ESF1: variants seen among roughly 807,000 people sequenced by gnomAD.
ESF1 encodes ESF1 nucleolar pre-rRNA processing protein.
Under a neutral mutation model 92.0 loss-of-function variants are expected in ESF1, and 58 were observed. The observed-to-expected ratio is 0.63, with a 90% CI of 0.51 to 0.78. The LOEUF (loss-of-function observed/expected upper bound fraction) is 0.78, where lower values mean the gene tolerates loss of function less well. ESF1 is among the 30% of genes least tolerant of loss of function. The pLI is 0.00. For missense variants in ESF1, 922 were observed against 989.1 expected (o/e 0.93, Z 0.91); for synonymous variants, 321 against 313.7 (o/e 1.02, Z -0.24).
chr20:13,778,292 G>A (rs1042262746), intron 2 of ESF1, among the ~76,000 whole-genome samples: 2 of 152,054 alleles, frequency 1.3e-5, no homozygotes, highest in African/African-American at 4.8e-5. Context: ...CATTGTCACA[G>A]GTTCTATATA....
Position 13,733,701 on chromosome 20 carries a change from G to A in ESF1, c.1950+20C>T. 3.1e-6 allele frequency: 5 copies of A among 1,606,236 alleles called. No homozygotes were observed. The highest frequency in any genetic ancestry group is 4.2e-6 in the Non-Finnish European group (5 of 1,177,194). On this transcript the variant is annotated intron_variant, in intron 10 of 13. Transcript: ENST00000617257. ...ATGGTTGGTATTCAACAAACATTTGGTCATAATTATCAATGATACCTTCTG... is the reference window on the plus strand; with the variant it reads ...ATGGTTGGTATTCAACAAACATTTGATCATAATTATCAATGATACCTTCTG...
intron 11 of ESF1, among the ~76,000 whole-genome samples, chr20:13,721,389 T>C (rs1197476494): frequency 6.6e-6 from 1 of 152,056 alleles, no homozygotes; most frequent in Non-Finnish European, 1.5e-5. Flanking sequence ...TACCTTCACG[T>C]TGGGAAAGAC....
chr20:13,775,999 T>G lies in ESF1; in HGVS notation c.909A>C (p.Ala303=). 1 of 1,613,988 alleles carries G rather than the reference T, an allele frequency of 6.2e-7. No homozygotes were observed. Among genetic ancestry groups the G allele is most frequent in the Non-Finnish European group, 8.5e-7 (1 of 1,179,948 alleles). ...DDKSDSGPDL[A]RGKGNIETSS... ...TAGTTTCTATATTTCCTTTACCCCT[T>G]GCAAGATCAGGGCCACTGTCACTTT... The change falls in exon 3 of 14, where the codon GCA becomes GCC. Residue 303 remains alanine, a synonymous_variant. Coordinates refer to ENST00000617257, the MANE Select transcript of ESF1 (RefSeq NM_001276380.2).
In ESF1 at chr20:13,748,592, ATTT is replaced by A. The variant is rs58809594; in HGVS notation, c.1828+11097_1828+11099del. On this transcript the variant is annotated intron_variant, in intron 9 of 13. Transcript: ENST00000617257. Reference sequence around the variant, plus strand: ...TGTGTGTGTATATATATATATATATATTTTTTTTTTTTTGAGATGGAGTGTTGC... The same window carrying A: ...TGTGTGTGTATATATATATATATATATTTTTTTTTTGAGATGGAGTGTTGC... Among the ~76,000 whole-genome samples, 635 of 95,678 alleles carry A rather than the reference ATTT, an allele frequency of 6.6e-3. 6 individuals carry two copies. Among genetic ancestry groups the A allele is most frequent in the African/African-American group, 0.024 (371 of 15,520 alleles). 62.8% of individuals were successfully genotyped at this position (95,678 alleles called of 152,430 possible).
Position 13,776,259 on chromosome 20 carries a change from T to C in ESF1, c.649A>G (p.Ile217Val). 3 of 1,611,696 alleles carry C rather than the reference T, an allele frequency of 1.9e-6. No individual in the cohort carries two copies. The highest frequency in any genetic ancestry group is 2.5e-6 in the Non-Finnish European group (3 of 1,179,050). Reference protein sequence around the residue: ...RREMQSVVQLIMTRDSDGYEN... With the variant: ...RREMQSVVQLVMTRDSDGYEN... ...TAACCATCACTGTCTCTTGTCATTA[T>C]GAGTTGAACCACTGCAAAATGTTAA... Residue 217 changes from isoleucine (I) to valine (V), a missense_variant, in exon 3 of 14, where the codon ATA (isoleucine) becomes GTA (valine). Ile to Val is a conservative substitution (Grantham distance 29, BLOSUM62 3). Coordinates refer to ENST00000617257, the MANE Select transcript of ESF1 (RefSeq NM_001276380.2).
chr20:13,748,317 T>C (rs1272649661), intron 9 of ESF1, among the ~76,000 whole-genome samples: 1 of 151,922 alleles, frequency 6.6e-6, no homozygotes, highest in Non-Finnish European at 1.5e-5. Context: ...CTTAATGTAG[T>C]ATTGTGTGTG....
At chr20:13,751,932 T>C (rs1322404414) in intron 9 of ESF1, among the ~76,000 whole-genome samples, 1 of 151,936 alleles carries the variant, frequency 6.6e-6, no homozygotes, top group Non-Finnish European at 1.5e-5. Context: ...GAGGCGGAGG[T>C]TGCAGTGAGC....
intron 11 of ESF1, among the ~76,000 whole-genome samples, chr20:13,725,658 A>G (rs1401259550): frequency 6.6e-6 from 1 of 152,168 alleles, no homozygotes; most frequent in Non-Finnish European, 1.5e-5. Context: ...ACAGATTAAC[A>G]GTGCCTCATG....
chr20:13,770,064 T>G, intron 6 of ESF1, 43 bp from the exon 7 acceptor site: 22 of 1,068,056 alleles, frequency 2.1e-5, no homozygotes, highest in Non-Finnish European at 3.0e-5. Flanking sequence ...TACGCTGCAG[T>G]GATAACCACA....
intron 2 of ESF1, 77 bp from the exon 3 acceptor site, chr20:13,776,347 C>G: frequency 7.6e-7 from 1 of 1,317,406 alleles, no homozygotes; most frequent in East Asian, 2.3e-5. Context: ...ATCTTGACAT[C>G]AACTCCAGTA....
At chr20:13,775,748 A>T in intron 3 of ESF1, 125 bp downstream of exon 3, 2 of 1,141,368 alleles carry the variant, frequency 1.8e-6, no homozygotes, top group South Asian at 4.0e-5. Flanking sequence ...ATCAAATTTT[A>T]ATCAGAATCA....
chr20:13,755,493 A>G (rs902496392), intron 9 of ESF1, among the ~76,000 whole-genome samples: 1 of 152,218 alleles, frequency 6.6e-6, no homozygotes, highest in African/African-American at 2.4e-5. Context: ...TCAACGAGGT[A>G]CATTTCTTGA....
intron 6 of ESF1, among the ~76,000 whole-genome samples, chr20:13,770,366 A>G (rs1370398238): frequency 2.0e-5 from 3 of 152,330 alleles, no homozygotes; most frequent in South Asian, 4.1e-4. Flanking sequence ...CATTGACTAC[A>G]TGATTTTGTT....
At chr20:13,756,523 T>A (rs995816196) in intron 9 of ESF1, among the ~76,000 whole-genome samples, 1 of 152,188 alleles carries the variant, frequency 6.6e-6, no homozygotes, top group African/African-American at 2.4e-5. Context: ...ACACAAAAAG[T>A]ATTCATGCCC....
At chr20:13,784,814 C>T in intron 1 of ESF1, 66 bp downstream of exon 1, 1 of 546,720 alleles carries the variant, frequency 1.8e-6, no homozygotes, top group Admixed American at 3.2e-5. Context: ...TTTCCCCGCG[C>T]CACACACACA....
intron 13 of ESF1, among the ~76,000 whole-genome samples, chr20:13,716,576 C>T (rs2049826386): frequency 6.6e-6 from 1 of 151,898 alleles, no homozygotes; most frequent in African/African-American, 2.4e-5. Flanking sequence ...ACTGGCTGTG[C>T]TGGATTAAAA....
intron 9 of ESF1, among the ~76,000 whole-genome samples, chr20:13,751,730 G>A (rs887678165): frequency 7.2e-5 from 11 of 152,282 alleles, no homozygotes; most frequent in South Asian, 2.1e-4. Context: ...TCGGCTGGGC[G>A]TGGTGGCTCA....
In ESF1 at chr20:13,749,332, G is replaced by A. The variant is rs981665955; in HGVS notation, c.1828+10360C>T. Among the ~76,000 whole-genome samples, 6 of 144,950 alleles carry A rather than the reference G, an allele frequency of 4.1e-5. 1 individual carries two copies. Among genetic ancestry groups the A allele is most frequent in the Non-Finnish European group, 8.9e-5 (6 of 67,180 alleles). The stretch of plus-strand genomic sequence containing the variant: ...GGCCTCCCAAAGCACTGGGATTACA[G>A]GCGTGGGCCACCGCACCTGGCCCAG... On this transcript the variant is annotated intron_variant, in intron 9 of 13. Transcript: ENST00000617257.
chr20:13,757,883 T>C (rs1485698401), intron 9 of ESF1, among the ~76,000 whole-genome samples: 1 of 152,210 alleles, frequency 6.6e-6, no homozygotes, highest in Non-Finnish European at 1.5e-5. Flanking sequence ...AATTTAAAAA[T>C]GTTCATATTA....
Sources: allele counts gnomAD v4.1 joint callset (sites outside exome capture counted in the v4.1 genomes callset), GRCh38; gene constraint gnomAD v4.1.1; transcripts MANE v1.5; gene names NCBI Gene and HGNC (gene_info 2026-07-23, HGNC 2026-07-21).